ACACB: variants seen among roughly 807,000 people sequenced by gnomAD.
ACACB encodes the protein acetyl-CoA carboxylase 2.
In ACACB, 209 loss-of-function variants were observed where a neutral mutation model predicts 278.8. The ratio of observed to expected loss-of-function variants is 0.75; its 90% confidence interval spans 0.67 to 0.84. The LOEUF is 0.84. Ranked by LOEUF, ACACB falls within the 40% of genes least tolerant of loss-of-function variation. ACACB has a pLI of 0.00. For synonymous variants in ACACB, 1,174 were observed against 1,285.6 expected (o/e 0.91, Z 1.86); for missense variants, 2,850 against 3,269.0 (o/e 0.87, Z 3.13).
intron 5 of ACACB, 96 bp downstream of exon 5, chr12:109,172,010 C>T (rs1425028377): frequency 9.6e-7 from 1 of 1,036,672 alleles, no homozygotes; most frequent in African/African-American, 1.6e-5. Flanking sequence ...GTGGAGGGTC[C>T]AGATCCCACA....
At chr12:109,223,486 G>A (rs2046233808) in intron 26 of ACACB, among the ~76,000 whole-genome samples, 1 of 152,136 alleles carries the variant, frequency 6.6e-6, no homozygotes, top group Admixed American at 6.5e-5. Context: ...GGCTGGGCAC[G>A]GTGGCTCATG....
intron 27 of ACACB, among the ~76,000 whole-genome samples, chr12:109,224,931 C>G (rs1414953101): frequency 1.3e-5 from 2 of 152,270 alleles, no homozygotes; most frequent in East Asian, 3.9e-4. Context: ...CCCTGTTGCC[C>G]CCACTTTCTC....
chr12:109,234,782 G>A (rs1483617126), intron 31 of ACACB, among the ~76,000 whole-genome samples: 2 of 146,844 alleles, frequency 1.4e-5, no homozygotes, highest in East Asian at 4.3e-4. Flanking sequence ...GGGTAACAAC[G>A]CACACCGGGG....
At position 109,131,786 on chromosome 12, in the gene ACACB, G is replaced by A. The variant is rs538842601; in HGVS notation, c.-9-7611G>A. Among the ~76,000 whole-genome samples, 9 of 152,262 alleles carry A rather than the reference G, an allele frequency of 5.9e-5. No homozygotes were observed. In the South Asian group the frequency reaches 6.2e-4, roughly 11 times the overall value. Reference sequence around the variant, plus strand: ...TTCGGGTCCGCTGGGTTATTTCAGCGAAGGGCAGCAGCTTGTCATGATAGC... The same window carrying A: ...TTCGGGTCCGCTGGGTTATTTCAGCAAAGGGCAGCAGCTTGTCATGATAGC... On this transcript the variant is annotated intron_variant, in intron 1 of 52. Transcript: ENST00000338432.
intron 40 of ACACB, chr12:109,249,744 G>A (rs770365195): frequency 1.2e-5 from 4 of 332,538 alleles, no homozygotes; most frequent in Admixed American, 5.0e-5. Context: ...TGCCCGCCTC[G>A]TCCTCCCAAA....
chr12:109,174,267 C>T (rs953792060), intron 7 of ACACB, 37 bp downstream of exon 7: 19 of 1,526,550 alleles, frequency 1.2e-5, no homozygotes, highest in Non-Finnish European at 1.3e-5. Context: ...GGGAGCTTCT[C>T]AGCCCAGTCT....
intron 47 of ACACB, chr12:109,260,202 T>C: frequency 1.4e-6 from 2 of 1,410,422 alleles, no homozygotes; most frequent in South Asian, 2.3e-5. Context: ...GGGACAGTCA[T>C]GGGTGAGGGC....
In ACACB at chr12:109,245,654, A is replaced by G. The variant is rs563629211; in HGVS notation, c.5207A>G (p.Asp1736Gly). The G allele has an allele frequency of 1.2e-6, 2 of 1,614,122 alleles. No individual in the cohort carries two copies. The highest frequency in any genetic ancestry group is 1.1e-5 in the South Asian group (1 of 91,072). Residue 1736 changes from aspartate to glycine, a missense_variant, in exon 38 of 53, where the codon GAC (aspartate) becomes GGC (glycine). Coordinates refer to ENST00000338432, the MANE Select transcript of ACACB (RefSeq NM_001093.4). ...CTCTTTAAACTGTGGGGCTCCCCAGACAAGTATCCCAAAGACATCCTGACA... is the reference window on the plus strand; with the variant it reads ...CTCTTTAAACTGTGGGGCTCCCCAGGCAAGTATCCCAAAGACATCCTGACA... ...QALFKLWGSP[D>G]KYPKDILTYT... is the part of the protein sequence containing the mutation.
At chr12:109,113,702 A>G (rs1426807199), upstream of ACACB, among the ~76,000 whole-genome samples, 3 of 152,334 alleles carry the variant, frequency 2.0e-5, no homozygotes, top group Non-Finnish European at 4.4e-5. Context: ...AGTCTTCGCA[A>G]GTATGTTTGG....
Position 109,135,662 on chromosome 12 carries a change from G to T in ACACB, c.-9-3735G>T, listed in dbSNP as rs143270908. On this transcript the variant is annotated intron_variant, in intron 1 of 52. Coordinates refer to ENST00000338432, the MANE Select transcript of ACACB (RefSeq NM_001093.4). ...TTACTTCTATGTTTTCTTCTAAGAG[G>T]TTTGTGGTTTTAGCTTTTATATTTA... Among the ~76,000 whole-genome samples, 984 of 151,966 alleles carry T rather than the reference G, an allele frequency of 6.5e-3. 5 individuals are homozygous for T. Among genetic ancestry groups the T allele is most frequent in the Non-Finnish European group, 0.011 (729 of 67,944 alleles).
intron 9 of ACACB, 60 bp from the exon 10 acceptor site, chr12:109,179,027 TC>T: frequency 2.6e-6 from 4 of 1,519,166 alleles, no homozygotes; most frequent in Non-Finnish European, 3.6e-6. Context: ...CCTGAGAACT[TC>T]CAGAAGCTTC....
intron 2 of ACACB, among the ~76,000 whole-genome samples, chr12:109,158,831 A>T (rs950512049): frequency 4.0e-5 from 6 of 151,782 alleles, no homozygotes; most frequent in African/African-American, 1.5e-4. Flanking sequence ...AAAAATTAGC[A>T]GAGCGTGGTA....
intron 21 of ACACB, among the ~76,000 whole-genome samples, chr12:109,210,586 T>G (rs1478743882): frequency 6.7e-6 from 1 of 149,096 alleles, no homozygotes; most frequent in Non-Finnish European, 1.5e-5. Flanking sequence ...TATATACATA[T>G]AAACATATAT....
At chr12:109,151,260 G>GCGCA (rs1214784149) in intron 2 of ACACB, among the ~76,000 whole-genome samples, 1 of 152,128 alleles carries the variant, frequency 6.6e-6, no homozygotes, top group Non-Finnish European at 1.5e-5. Context: ...TGGGATTACA[G>GCGCA]GTGTGAGCCA....
chr12:109,127,157 C>A (rs1304608131), intron 1 of ACACB, among the ~76,000 whole-genome samples: 1 of 152,098 alleles, frequency 6.6e-6, no homozygotes, highest in Middle Eastern at 3.2e-3. Flanking sequence ...ATTGAATCAA[C>A]GACCTGGTCA....
chr12:109,168,171 C>T, intron 4 of ACACB, 137 bp downstream of exon 4: 1 of 972,346 alleles, frequency 1.0e-6, no homozygotes, highest in Non-Finnish European at 1.5e-6. Context: ...ATTTGTCCTT[C>T]CTTCTTTATT....
chr12:109,239,876 T>G lies in ACACB; in HGVS notation c.4709T>G (p.Leu1570Arg). Residue 1570 changes from leucine to arginine, a missense_variant, in exon 35 of 53, where the codon CTG becomes CGG. Leu to Arg is a moderately radical substitution (Grantham distance 102). Coordinates refer to ENST00000338432, the MANE Select transcript of ACACB (RefSeq NM_001093.4). ...CAGAACGAGGGTGAGCGGCTGCTCC[T>G]GGAGGCCATGGACGAGCTGGAGGTG... Reference protein sequence around the residue: ...YLQNEGERLLLEAMDELEVAF... With the variant: ...YLQNEGERLLREAMDELEVAF... The G allele has an allele frequency of 6.2e-7, 1 of 1,614,156 alleles. No individual in the cohort carries two copies. The highest frequency in any genetic ancestry group is 8.5e-7 in the Non-Finnish European group (1 of 1,180,018).
At chr12:109,215,001 T>C (rs1379167146) in intron 22 of ACACB, among the ~76,000 whole-genome samples, 1 of 151,456 alleles carries the variant, frequency 6.6e-6, no homozygotes, top group Non-Finnish European at 1.5e-5. Context: ...GAGGCTGAGG[T>C]GAGAGGATTG....
chr12:109,218,771 C>CT (rs147342736), intron 24 of ACACB, among the ~76,000 whole-genome samples: 22,115 of 135,526 alleles, frequency 0.16, 1,975 homozygotes, highest in East Asian at 0.28. Context: ...TTCTATCTAT[C>CT]TTTTTTTTTT....
Sources: allele counts gnomAD v4.1 joint callset (sites outside exome capture counted in the v4.1 genomes callset), GRCh38; gene constraint gnomAD v4.1.1; transcripts MANE v1.5; gene names NCBI Gene and HGNC (gene_info 2026-07-23, HGNC 2026-07-21).